The following QTGAL variants were observed in gnomAD, a reference collection of about 807,000 sequenced individuals.
The protein encoded by QTGAL is queuosine-tRNA galactosyltransferase.
the QTGAL span, among the ~76,000 whole-genome samples, chr17:82,961,922 A>G: frequency 7.9e-5 from 12 of 152,126 alleles, no homozygotes; most frequent in African/African-American, 2.7e-4. Flanking sequence ...TCCTCAGCCC[A>G]GGGCTCTGGG....
At chr17:83,006,143 CT>C in the QTGAL span, 1 of 987,720 alleles carries the variant, frequency 1.0e-6, no homozygotes, top group Non-Finnish European at 1.2e-6. This position sits in a 1 kb window ranked among gnomAD's most constrained non-coding sequence, Gnocchi z 5.8. Context: ...CTGATTCCGT[CT>C]CACCCAAGAC....
At chr17:83,007,141 T>G in the QTGAL span, 1 of 883,826 alleles carries the variant, frequency 1.1e-6, no homozygotes, top group Non-Finnish European at 1.4e-6. Flanking sequence ...ATTTTCTAAT[T>G]GGAACAAACG....
At chr17:82,999,819 CT>C in the QTGAL span, among the ~76,000 whole-genome samples, 1 of 152,110 alleles carries the variant, frequency 6.6e-6, no homozygotes, top group Non-Finnish European at 1.5e-5. Flanking sequence ...CTTTTCTCTG[CT>C]TTTTGGGAGC....
At chr17:83,047,956 TTTTTCTCTTTCTTTCA>T in the QTGAL span, among the ~76,000 whole-genome samples, 1 of 152,282 alleles carries the variant, frequency 6.6e-6, no homozygotes, top group East Asian at 1.9e-4. Context: ...CTTTTCTTTC[TTTTTCTCTTTCTTTCA>T]TTTTCTCTCC....
At chr17:83,020,730 T>C in the QTGAL span, among the ~76,000 whole-genome samples, 6 of 152,312 alleles carry the variant, frequency 3.9e-5, no homozygotes, top group East Asian at 1.9e-4. Flanking sequence ...CTGAGCGCAG[T>C]TGGGGAGAGG....
At chr17:83,008,455 T>A in the QTGAL span, among the ~76,000 whole-genome samples, 1 of 152,012 alleles carries the variant, frequency 6.6e-6, no homozygotes, top group Admixed American at 6.6e-5. Context: ...TTGAAAGGAA[T>A]AGGATACTGA....
chr17:82,951,343 T>C, the QTGAL span, among the ~76,000 whole-genome samples: 1 of 152,222 alleles, frequency 6.6e-6, no homozygotes, highest in Non-Finnish European at 1.5e-5. Flanking sequence ...CTTCTTTCCT[T>C]AAGCCTTGTG....
chr17:83,042,159 G>A, the QTGAL span, among the ~76,000 whole-genome samples: 34 of 152,164 alleles, frequency 2.2e-4, no homozygotes, highest in Admixed American at 5.9e-4. Flanking sequence ...TTGAGTCCAG[G>A]AATTCGAGAC....
At chr17:82,955,248 G>C in the QTGAL span, among the ~76,000 whole-genome samples, 1 of 152,126 alleles carries the variant, frequency 6.6e-6, no homozygotes, top group African/African-American at 2.4e-5. Flanking sequence ...TAATATACAG[G>C]ATCTACAAGG....
chr17:83,006,264 G>A, the QTGAL span: 1 of 985,570 alleles, frequency 1.0e-6, no homozygotes, highest in African/African-American at 1.7e-5. This position sits in a 1 kb window ranked among gnomAD's most constrained non-coding sequence, Gnocchi z 5.8. Flanking sequence ...TGAGGCCCCT[G>A]GATCTGTCTC....
At chr17:82,956,718 G>GT in the QTGAL span, 13 of 1,588,552 alleles carry the variant, frequency 8.2e-6, no homozygotes, top group Non-Finnish European at 1.0e-5. The surrounding 1 kb of genome is among the most constrained non-coding windows in gnomAD (Gnocchi z 5.7). Flanking sequence ...ATGACGAAGG[G>GT]TGGCCGGGCG....
At chr17:83,006,396 T>C in the QTGAL span, 1 of 985,458 alleles carries the variant, frequency 1.0e-6, no homozygotes, top group Non-Finnish European at 1.2e-6. The surrounding 1 kb of genome is among the most constrained non-coding windows in gnomAD (Gnocchi z 5.8). Flanking sequence ...AAACTTACTT[T>C]GAGAAAATTG....
chr17:83,006,737 C>T, the QTGAL span: 3 of 985,512 alleles, frequency 3.0e-6, no homozygotes, highest in Non-Finnish European at 3.6e-6. This position sits in a 1 kb window ranked among gnomAD's most constrained non-coding sequence, Gnocchi z 5.8. Flanking sequence ...GCTCCCAGGA[C>T]AGGCTTCCAG....
chr17:83,007,472 T>C, the QTGAL span, among the ~76,000 whole-genome samples: 2 of 151,402 alleles, frequency 1.3e-5, no homozygotes, highest in South Asian at 2.1e-4. Context: ...AAGCTGGAGG[T>C]AGAAGTCCTT....
At chr17:82,951,925 TACAG>T in the QTGAL span, among the ~76,000 whole-genome samples, 1 of 150,990 alleles carries the variant, frequency 6.6e-6, no homozygotes, top group Non-Finnish European at 1.5e-5. Flanking sequence ...CCGTAACACA[TACAG>T]TAACAGTTTG....
At chr17:83,046,913 A>G in the QTGAL span, among the ~76,000 whole-genome samples, 1 of 152,242 alleles carries the variant, frequency 6.6e-6, no homozygotes, top group African/African-American at 2.4e-5. Flanking sequence ...AGCACGATAC[A>G]TGCCACAGCA....
At chr17:82,951,324 C>T in the QTGAL span, among the ~76,000 whole-genome samples, 4 of 152,200 alleles carry the variant, frequency 2.6e-5, no homozygotes, top group South Asian at 2.1e-4. Context: ...ACTCATATTA[C>T]GGAGACGGCT....
At chr17:82,989,495 T>TAAAAA in the QTGAL span, among the ~76,000 whole-genome samples, 1 of 122,518 alleles carries the variant, frequency 8.2e-6, no homozygotes, top group African/African-American at 3.1e-5. Context: ...ATTCTGGAAC[T>TAAAAA]AAAAAAAAAA....
chr17:83,000,511 TAA>T, the QTGAL span, among the ~76,000 whole-genome samples: 1 of 152,232 alleles, frequency 6.6e-6, no homozygotes, highest in African/African-American at 2.4e-5. Context: ...ATGTGGTCTA[TAA>T]GTGTTTGTAT....
Sources: allele counts gnomAD v4.1 joint callset (sites outside exome capture counted in the v4.1 genomes callset), GRCh38; gene constraint gnomAD v4.1.1; non-coding constraint Gnocchi (gnomAD v3.1); transcripts MANE v1.5; gene names NCBI Gene and HGNC (gene_info 2026-07-23, HGNC 2026-07-21).